The following ZNF43 variants were observed in gnomAD, a reference collection of about 807,000 sequenced individuals.
ZNF43 encodes zinc finger protein 39-like 1 (KOX 27).
In ZNF43, 44 loss-of-function variants were observed where a neutral mutation model predicts 68.4. That is an observed-to-expected ratio of 0.64 (90% CI 0.51 to 0.83). The LOEUF (loss-of-function observed/expected upper bound fraction) is 0.83, where lower values mean the gene tolerates loss of function less well. Ranked by LOEUF, ZNF43 falls within the 40% of genes least tolerant of loss-of-function variation. The probability of loss-of-function intolerance (pLI) is 0.00; values close to 1 mark genes in which losing one functional copy is unlikely to be tolerated. For missense variants in ZNF43, 896 were observed against 933.2 expected (o/e 0.96, Z 0.52); for synonymous variants, 308 against 307.8 (o/e 1.00, Z -0.01).
At chr19:21,836,311 A>T, upstream of ZNF43, 3 of 1,175,284 alleles carry the variant, frequency 2.6e-6, no homozygotes, top group Non-Finnish European at 3.3e-6. Context: ...TGAATGAAAG[A>T]TGTGATCAGA....
At chr19:21,816,060 C>CAAA (rs60910156) in intron 3 of ZNF43, among the ~76,000 whole-genome samples, 1 of 108,020 alleles carries the variant, frequency 9.3e-6, no homozygotes. Context: ...GACTCTGACG[C>CAAA]AAAAAAAAAA....
chr19:21,820,748 G>C (rs1242383553), intron 1 of ZNF43, among the ~76,000 whole-genome samples: 1 of 151,102 alleles, frequency 6.6e-6, no homozygotes, highest in Non-Finnish European at 1.5e-5. Flanking sequence ...CCCCCAAAAA[G>C]TAAATTATAA....
chr19:21,832,430 C>T (rs1258051188), intron 1 of ZNF43, among the ~76,000 whole-genome samples: 1 of 152,090 alleles, frequency 6.6e-6, no homozygotes, highest in Non-Finnish European at 1.5e-5. Flanking sequence ...TTTAAAAAAA[C>T]TTTGGAAGGT....
chr19:21,815,608 C>A (rs2037491426), intron 3 of ZNF43, among the ~76,000 whole-genome samples: 1 of 151,520 alleles, frequency 6.6e-6, no homozygotes, highest in African/African-American at 2.4e-5. Flanking sequence ...CAAATCCTAT[C>A]ATTCTCTTTT....
intron 1 of ZNF43, chr19:21,851,052 A>G (rs1968316456): frequency 6.6e-6 from 1 of 152,264 alleles, no homozygotes; most frequent in Non-Finnish European, 1.5e-5. Flanking sequence ...CACAATCTCA[A>G]TGGTTGACGG....
chr19:21,814,449 C>T (rs1286778545), intron 3 of ZNF43, among the ~76,000 whole-genome samples: 17 of 149,182 alleles, frequency 1.1e-4, no homozygotes, highest in African/African-American at 2.5e-4. Context: ...CTTGCTCTGT[C>T]GCCCAGGCTG....
At chr19:21,844,921 A>AAAAAAAAAAAAAATATATATAT (rs1310761266) in intron 1 of ZNF43, among the ~76,000 whole-genome samples, 1 of 26,050 alleles carries the variant, frequency 3.8e-5, no homozygotes, top group African/African-American at 2.2e-4. Context: ...AAAAAAAAAA[A>AAAAAAAAAAAAAATATATATAT]ATATATATAT....
chr19:21,833,492 ACTC>A (rs2038527283), intron 1 of ZNF43, among the ~76,000 whole-genome samples: 1 of 149,714 alleles, frequency 6.7e-6, no homozygotes, highest in Non-Finnish European at 1.5e-5. Context: ...CTGGTCTTGA[ACTC>A]CTGACCTCAG....
intron 1 of ZNF43, 101 bp downstream of exon 1, chr19:21,835,935 C>G (rs1300573441): frequency 1.3e-5 from 20 of 1,593,706 alleles, no homozygotes; most frequent in Admixed American, 1.2e-4. Context: ...CCGAGCTGGG[C>G]AAGAACTCCG....
At position 21,836,096 on chromosome 19, in the gene ZNF43, TCACAGAGC is replaced by T. The variant is rs1276557130; in HGVS notation, c.-66_-59del. The T allele has an allele frequency of 2.5e-6, 4 of 1,612,188 alleles. No homozygotes were observed. In the African/African-American group the frequency reaches 4.0e-5, roughly 16 times the overall value. ...CTGTGGATCCCCCAATACCCGCAGG[TCACAGAGC>T]CACAGAGGCTGGACCTCTAGCAGCA... On this transcript the variant is annotated 5_prime_UTR_variant, in exon 1 of 4. Transcript: ENST00000354959.
At chr19:21,827,398 G>A (rs1376349400) in intron 1 of ZNF43, 1 of 148,808 alleles carries the variant, frequency 6.7e-6, no homozygotes, top group African/African-American at 2.5e-5. Flanking sequence ...TTTCCCTCTT[G>A]TTGCCCAGGC....
At chr19:21,834,894 C>T (rs1193689202) in intron 1 of ZNF43, among the ~76,000 whole-genome samples, 3 of 148,172 alleles carry the variant, frequency 2.0e-5, no homozygotes, top group African/African-American at 7.5e-5. Flanking sequence ...ATACAGATAT[C>T]TAAAATATCT....
chr19:21,806,968 T>C lies in ZNF43; in HGVS notation c.*639A>G, dbSNP rs2036970395. ...GCTGTGGTTTTTTTAAAAATGTTTT[T>C]CCAAACTGATTACATTTGTAGGGTT... On this transcript the variant is annotated 3_prime_UTR_variant, in exon 4 of 4. Coordinates refer to ENST00000354959, the MANE Select transcript of ZNF43 (RefSeq NM_003423.4). 4 of 152,224 alleles carry C rather than the reference T, an allele frequency of 2.6e-5. No homozygotes were observed. Among genetic ancestry groups the C allele is most frequent in the Admixed American group, 2.6e-4 (4 of 15,284 alleles). 9.4% of individuals were successfully genotyped at this position (152,224 alleles called of 1,614,324 possible). A position where few individuals can be genotyped will look rare whatever the true frequency, so the allele number is the denominator to read the frequency against.
intron 1 of ZNF43, chr19:21,826,921 T>C (rs1379637353): frequency 6.6e-6 from 1 of 151,870 alleles, no homozygotes; most frequent in Admixed American, 6.6e-5. Context: ...ACAGGCACCA[T>C]GGGACACTAA....
chr19:21,836,012 G>C (rs572613676), intron 1 of ZNF43, 24 bp downstream of exon 1: 2 of 1,613,870 alleles, frequency 1.2e-6, no homozygotes, highest in Non-Finnish European at 8.5e-7. Flanking sequence ...TCCCCCTCTC[G>C]GGATGTCGGA....
In ZNF43 at chr19:21,808,498, T is replaced by C. The variant is rs761647152; in HGVS notation, c.1539A>G (p.Glu513=). 56 of 1,613,476 alleles carry C rather than the reference T, an allele frequency of 3.5e-5. No homozygotes were observed. Among genetic ancestry groups the C allele is most frequent in the Non-Finnish European group, 4.6e-5 (54 of 1,179,870 alleles). The change falls in exon 4 of 4, where the codon GAA becomes GAG. Residue 513 remains glutamate (E), a synonymous_variant. Coordinates refer to ENST00000354959, the MANE Select transcript of ZNF43 (RefSeq NM_003423.4). ...IHIEKKPYKC[E]ECGKAFKWSS... is the part of the protein sequence containing the mutation. ...ACCACTTAAAAGCTTTGCCACATTC[T>C]TCACATTTGTAGGGTTTCTTTTCAA...
At chr19:21,844,300 G>A (rs1419326519) in intron 1 of ZNF43, among the ~76,000 whole-genome samples, 1 of 141,912 alleles carries the variant, frequency 7.0e-6, no homozygotes, top group Non-Finnish European at 1.5e-5. Context: ...AGTAAGGTGA[G>A]CTCGTGCCAC....
At chr19:21,841,104 C>T (rs1315432976), upstream of ZNF43, 4 of 152,292 alleles carry the variant, frequency 2.6e-5, no homozygotes, top group South Asian at 4.1e-4. Context: ...CTCTCTGTAC[C>T]GTCCAAAGAC....
chr19:21,830,177 G>GGAGGCGGAGGTTGCAGT (rs1008784013), intron 1 of ZNF43, among the ~76,000 whole-genome samples: 4 of 151,918 alleles, frequency 2.6e-5, no homozygotes, highest in African/African-American at 4.8e-5. Context: ...CTTGAACCAG[G>GGAGGCGGAGGTTGCAGT]GAGGCGGAGG....
Sources: allele counts gnomAD v4.1 joint callset (sites outside exome capture counted in the v4.1 genomes callset), GRCh38; gene constraint gnomAD v4.1.1; transcripts MANE v1.5; gene names NCBI Gene and HGNC (gene_info 2026-07-23, HGNC 2026-07-21).